Variants in B4GALNT1 observed in about 807,000 individuals in gnomAD.
The protein encoded by B4GALNT1 is beta-1,4 N-acetylgalactosaminyltransferase 1.
In B4GALNT1, 43 loss-of-function variants were observed where a neutral mutation model predicts 55.2. That is an observed-to-expected ratio of 0.78 (90% CI 0.61 to 1.00). B4GALNT1 has a LOEUF of 1.00. Ranked by LOEUF, B4GALNT1 falls within the 50% of genes least tolerant of loss-of-function variation. B4GALNT1 has a pLI of 0.00. For synonymous variants in B4GALNT1, 305 were observed against 311.6 expected (o/e 0.98, Z 0.22); for missense variants, 664 against 729.7 (o/e 0.91, Z 1.04).
At chr12:57,629,381 A>T (rs1345059083) in intron 6 of B4GALNT1, 1 of 410,440 alleles carries the variant, frequency 2.4e-6, no homozygotes, top group Non-Finnish European at 4.3e-6. Flanking sequence ...CAGACCCGTT[A>T]AAAAATTACC....
At position 57,632,936 on chromosome 12, in the gene B4GALNT1, C is replaced by G. The variant is rs950288055; in HGVS notation, c.-166G>C. On this transcript the variant is annotated 5_prime_UTR_variant, in exon 1 of 11. Transcript: ENST00000341156. ...TGCCTCTGGAGCGCGCCCGATCCCT[C>G]CCGTCTTGGAACTCCCGGGGCTTTT... 3.3e-5 allele frequency: 5 copies of G among 152,422 alleles called. No individual in the cohort carries two copies. The highest frequency in any genetic ancestry group is 9.6e-5 in the African/African-American group (4 of 41,470). The allele number at this position is 152,422 out of a possible 1,614,324, so 9.4% of individuals were successfully genotyped here.
intron 1 of B4GALNT1, chr12:57,632,349 C>T (rs746184085): frequency 7.2e-6 from 5 of 690,086 alleles, no homozygotes; most frequent in Non-Finnish European, 1.3e-5. Flanking sequence ...CCTTTCTTCT[C>T]GCCCTCTCCT....
Position 57,625,608 on chromosome 12 carries a change from G to C in B4GALNT1, c.*1136C>G, listed in dbSNP as rs1419843367. 1 of 1,593,278 alleles carries C rather than the reference G, an allele frequency of 6.3e-7. No homozygotes were observed. The highest frequency in any genetic ancestry group is 2.2e-5 in the East Asian group (1 of 44,736). ...CTTGGTGCAGGGGACACTGACCCGG[G>C]TAGGACTCCTGGACAGGGTGACTCC... is the stretch of plus-strand genomic sequence containing the variant. On this transcript the variant is annotated 3_prime_UTR_variant, in exon 11 of 11. Transcript: ENST00000341156.
Position 57,632,076 on chromosome 12 carries a change from C to T in B4GALNT1, c.57G>A (p.Ser19=). 6.9e-7 allele frequency: 1 copy of T among 1,442,690 alleles called. No individual in the cohort carries two copies. Among genetic ancestry groups the T allele is most frequent in the Non-Finnish European group, 9.1e-7 (1 of 1,095,540 alleles). The allele number at this position is 1,442,690 out of a possible 1,614,324, so 89.4% of individuals were successfully genotyped here. The change falls in exon 2 of 11, where the codon TCG becomes TCA. Residue 19 remains serine, a synonymous_variant. Transcript: ENST00000341156. ...GGGTGCTCGCGTACAGGAGCCCCAG[C>T]GAGGCGCAGGCGAGCAGAAGGACCA... ...CALVLLLACA[S]LGLLYASTRD... is the part of the protein sequence containing the mutation.
intron 6 of B4GALNT1, chr12:57,629,857 G>C (rs1169151920): frequency 1.3e-6 from 2 of 1,506,052 alleles, no homozygotes; most frequent in South Asian, 2.5e-5. Context: ...GGTGGGTTGG[G>C]AATATAGTCT....
intron 1 of B4GALNT1, chr12:57,632,354 TC>T (rs1466032864): frequency 2.9e-6 from 2 of 680,338 alleles, no homozygotes; most frequent in Non-Finnish European, 2.7e-6. Flanking sequence ...CTTCTCGCCC[TC>T]TCCTGCATCT....
Position 57,629,040 on chromosome 12 carries a change from A to G in B4GALNT1, c.811+8T>C. 6.3e-7 allele frequency: 1 copy of G among 1,583,240 alleles called. No individual in the cohort carries two copies. The highest frequency in any genetic ancestry group is 8.6e-7 in the Non-Finnish European group (1 of 1,160,022). On this transcript the variant is annotated splice_region_variant and intron_variant, in intron 7 of 10. Coordinates refer to ENST00000341156, the MANE Select transcript of B4GALNT1 (RefSeq NM_001478.5). ...GTTCTAATATGTCCCTGCCCCTACC[A>G]GCCTCACCTCCCTGGGGTAGAGACC...
At position 57,624,115 on chromosome 12, in the gene B4GALNT1, C is replaced by T; in HGVS notation, c.*2629G>A. 6.2e-7 allele frequency: 1 copy of T among 1,611,330 alleles called. No individual in the cohort carries two copies. The highest frequency in any genetic ancestry group is 8.5e-7 in the Non-Finnish European group (1 of 1,177,946). ...GTGGACTTTGTGAGAAATGCCATTA[C>T]CCCCAGATTGCCCCCTCTCATCTTG... On this transcript the variant is annotated 3_prime_UTR_variant, in exon 11 of 11. Coordinates refer to ENST00000341156, the MANE Select transcript of B4GALNT1 (RefSeq NM_001478.5).
chr12:57,623,801 C>T lies in B4GALNT1; in HGVS notation c.*2943G>A, dbSNP rs756052175. 6.3e-7 allele frequency: 1 copy of T among 1,599,384 alleles called. No individual in the cohort carries two copies. The highest frequency in any genetic ancestry group is 8.5e-7 in the Non-Finnish European group (1 of 1,171,078). ...CTCTCATGTGGGGGTGGGAGGCTCT[C>T]TTCCTTTTTTGCTCCTGTTCCTCCT... is the stretch of plus-strand genomic sequence containing the variant. On this transcript the variant is annotated 3_prime_UTR_variant, in exon 11 of 11. Transcript: ENST00000341156.
Position 57,626,770 on chromosome 12 carries a change from G to C in B4GALNT1, c.1576C>G (p.Arg526Gly). The change falls in exon 11 of 11, where the codon CGG (arginine) becomes GGG (glycine). Residue 526 changes from arginine to glycine, a missense_variant. Transcript: ENST00000341156. The stretch of plus-strand genomic sequence containing the variant: ...CACTGGGAGGTCATGCACTGCAGCC[G>C]GTGTTTGAAGAAGAGCAGCCGGTGT... Reference protein sequence around the residue: ...AKHRLLFFKHRLQCMTSQ With the variant: ...AKHRLLFFKHGLQCMTSQ 2 of 1,614,204 alleles carry C rather than the reference G, an allele frequency of 1.2e-6. No individual in the cohort carries two copies. Among genetic ancestry groups the C allele is most frequent in the Non-Finnish European group, 1.7e-6 (2 of 1,180,032 alleles).
rs533379845 is a variant in B4GALNT1 at position 57,625,300 on chromosome 12, G to T, written c.*1444C>A. On this transcript the variant is annotated 3_prime_UTR_variant, in exon 11 of 11. Coordinates refer to ENST00000341156, the MANE Select transcript of B4GALNT1 (RefSeq NM_001478.5). ...GTGTCACCTTTGCAGATGCTGCTGG[G>T]GCCAGAGAAGTGGTGCAGGTGAGGG... 1.2e-5 allele frequency: 20 copies of T among 1,614,094 alleles called. No individual in the cohort carries two copies. In the South Asian group the frequency reaches 2.0e-4, roughly 16 times the overall value.
Position 57,625,005 on chromosome 12 carries a change from G to A in B4GALNT1, c.*1739C>T. On this transcript the variant is annotated 3_prime_UTR_variant, in exon 11 of 11. Coordinates refer to ENST00000341156, the MANE Select transcript of B4GALNT1 (RefSeq NM_001478.5). ...AAGGTGAAGGAGCTTGGTTTAGGAGGGATGTGGATCCTCAGGGAGTGGGAG... is the reference window on the plus strand; with the variant it reads ...AAGGTGAAGGAGCTTGGTTTAGGAGAGATGTGGATCCTCAGGGAGTGGGAG... The A allele has an allele frequency of 6.2e-7, 1 of 1,613,852 alleles. No homozygotes were observed. Among genetic ancestry groups the A allele is most frequent in the South Asian group, 1.1e-5 (1 of 91,080 alleles).
Position 57,631,943 on chromosome 12 carries a change from G to T in B4GALNT1, c.190C>A (p.Pro64Thr), listed in dbSNP as rs1885240923. 3 of 1,448,086 alleles carry T rather than the reference G, an allele frequency of 2.1e-6. No individual in the cohort carries two copies. The Admixed American group carries it at 8.3e-5, about 40-fold the overall frequency. The allele number at this position is 1,448,086 out of a possible 1,614,324, so 89.7% of individuals were successfully genotyped here. A position where few individuals can be genotyped will look rare whatever the true frequency, so the allele number is the denominator to read the frequency against. The change falls in exon 2 of 11, where the codon CCG becomes ACG. Residue 64 changes from proline (P) to threonine (T), a missense_variant. Transcript: ENST00000341156. ...LAPEPRYAHI[P>T]VRIKEQVVGL... ...ACTACTTGCTCCTTGATCCTGACCG[G>T]GATGTGTGCGTAGCGGGGCTCAGGA...
chr12:57,627,642 G>A lies in B4GALNT1; in HGVS notation c.1360C>T (p.Arg454Cys). The change falls in exon 10 of 11, where the codon CGC becomes TGC. Residue 454 changes from arginine to cysteine, a missense_variant. Coordinates refer to ENST00000341156, the MANE Select transcript of B4GALNT1 (RefSeq NM_001478.5). The part of the protein sequence containing the change: ...DKVREVGFDP[R>C]LSRVAHLEFF... ...CCCAGATGAGCCACGCGGCTGAGGC[G>A]GGGGTCGAAACCGACCTCGCGCACC... 6.3e-7 allele frequency: 1 copy of A among 1,598,136 alleles called. No homozygotes were observed. Among genetic ancestry groups the A allele is most frequent in the Admixed American group, 1.7e-5 (1 of 59,496 alleles).
chr12:57,629,883 A>C, intron 6 of B4GALNT1: 1 of 1,530,752 alleles, frequency 6.5e-7, no homozygotes, highest in Non-Finnish European at 8.7e-7. Flanking sequence ...CTCCTTAGAC[A>C]AGTCTCTTCC....
Position 57,626,851 on chromosome 12 carries a change from C to G in B4GALNT1, c.1495G>C (p.Glu499Gln). Residue 499 changes from glutamate to glutamine, a missense_variant, in exon 11 of 11, where the codon GAG becomes CAG. Physicochemically the swap from Glu to Gln is conservative, Grantham distance 29 (BLOSUM62 2). Transcript: ENST00000341156. ...GGGTAACGGTACCGGGCGTAAGTCT[C>G]TGCTCCGGCATCCCTTGATGTCCAA... ...LPWTSRDAGAETYARYRYPGS... is the reference protein window; with the variant it reads ...LPWTSRDAGAQTYARYRYPGS... 1 of 1,614,222 alleles carries G rather than the reference C, an allele frequency of 6.2e-7. No homozygotes were observed. The highest frequency in any genetic ancestry group is 1.1e-5 in the South Asian group (1 of 91,086).
intron 2 of B4GALNT1, among the ~76,000 whole-genome samples, chr12:57,631,691 G>A (rs2140253016): frequency 6.6e-6 from 1 of 152,216 alleles, no homozygotes. Context: ...TCCCTTGACT[G>A]CACAACCTCC....
In B4GALNT1 at chr12:57,632,091, C is replaced by G. The variant is rs1346555834; in HGVS notation, c.42G>C (p.Leu14=). ...GGAGCCCCAGCGAGGCGCAGGCGAG[C>G]AGAAGGACCAGAGCGCACAGGGCCC... ...GRRALCALVL[L]LACASLGLLY... is the part of the protein sequence containing the mutation. Residue 14 remains leucine (L), a synonymous_variant, in exon 2 of 11, where the codon CTG becomes CTC. Coordinates refer to ENST00000341156, the MANE Select transcript of B4GALNT1 (RefSeq NM_001478.5). 8 of 1,448,268 alleles carry G rather than the reference C, an allele frequency of 5.5e-6. No homozygotes were observed. The African/African-American group carries it at 1.2e-4, about 21-fold the overall frequency. The allele number at this position is 1,448,268 out of a possible 1,614,324, so 89.7% of individuals were successfully genotyped here.
rs1219548508 is a variant in B4GALNT1, at chr12:57,630,441, G to A, written c.531+37C>T. On this transcript the variant is annotated intron_variant, in intron 5 of 10. Coordinates refer to ENST00000341156, the MANE Select transcript of B4GALNT1 (RefSeq NM_001478.5). ...CTGCCTCCCTCCCAGCATTCTTGAT[G>A]CCTACTTGGCCTCCTTGCCTTCTTG... 3.8e-6 allele frequency: 6 copies of A among 1,598,824 alleles called. No individual in the cohort carries two copies. In the Admixed American group the frequency reaches 1.0e-4, roughly 27 times the overall value.
Sources: gnomAD v4.1 joint callset for allele counts (sites outside exome capture counted in the v4.1 genomes callset) on GRCh38, gnomAD v4.1.1 for gene constraint, MANE v1.5 for transcripts, NCBI Gene and HGNC (gene_info 2026-07-23, HGNC 2026-07-21) for gene names.